KLHDC1: variants seen among roughly 807,000 people sequenced by gnomAD.
KLHDC1 encodes the protein kelch domain containing 1, also known as kelch domain-containing protein 1.
KLHDC1 carries 53 observed loss-of-function variants against 68.3 expected under a neutral mutation model. That is an observed-to-expected ratio of 0.78 (90% CI 0.62 to 0.98). KLHDC1 has a LOEUF of 0.98. Among genes scored for constraint, KLHDC1 ranks in the 50% least tolerant of loss-of-function variants. KLHDC1 has a pLI of 0.00. For synonymous variants in KLHDC1, 148 were observed against 159.0 expected, an observed-to-expected ratio of 0.93 and a Z score of 0.52; for missense variants, 470 against 492.3, an observed-to-expected ratio of 0.95 and a Z score of 0.43.
intron 4 of KLHDC1, among the ~76,000 whole-genome samples, chr14:49,711,095 C>T (rs547229304): frequency 8.5e-5 from 13 of 152,278 alleles, no homozygotes; most frequent in Non-Finnish European, 1.2e-4. Context: ...CGGGTTCAAG[C>T]GATTCTCTGG....
chr14:49,694,278 A>AC (rs1219383191), intron 1 of KLHDC1, among the ~76,000 whole-genome samples: 1 of 152,110 alleles, frequency 6.6e-6, no homozygotes, highest in East Asian at 1.9e-4. Context: ...CTATATGCCA[A>AC]CCCTCTTAGT....
chr14:49,697,661 A>G (rs1887782656), intron 1 of KLHDC1, among the ~76,000 whole-genome samples: 1 of 152,210 alleles, frequency 6.6e-6, no homozygotes, highest in African/African-American at 2.4e-5. Flanking sequence ...TGTGTGTTAA[A>G]TAATTCTCAG....
Position 49,734,630 on chromosome 14 carries a change from C to A in KLHDC1, c.865C>A (p.Gln289Lys). 1 of 1,594,310 alleles carries A rather than the reference C, an allele frequency of 6.3e-7. No homozygotes were observed. Residue 289 changes from glutamine (Q) to lysine (K), a missense_variant, in exon 10 of 13, where the codon CAA becomes AAA. Gln to Lys is a moderately conservative substitution (Grantham distance 53). Transcript: ENST00000359332. ...IHNVTTNCWK[Q>K]LTHLPKTRPR... The stretch of plus-strand genomic sequence containing the variant: ...TAATGTCACAACAAATTGTTGGAAA[C>A]AACTTACACATTTACCTAAAACAAG...
chr14:49,711,910 CTTTTTTTTTTTTT>C (rs992092493), intron 4 of KLHDC1, among the ~76,000 whole-genome samples: 46 of 76,614 alleles, frequency 6.0e-4, no homozygotes, highest in African/African-American at 2.3e-3. Context: ...TTTTCTTTTT[CTTTTTTTTTTTTT>C]TTTTTTTTTT....
intron 4 of KLHDC1, among the ~76,000 whole-genome samples, chr14:49,714,239 C>T (rs1888308793): frequency 1.3e-5 from 2 of 150,998 alleles, no homozygotes; most frequent in South Asian, 4.2e-4. Context: ...TTTGGGAGGC[C>T]GAGGCGCGCA....
At chr14:49,738,214 A>C (rs1888977468) in intron 10 of KLHDC1, among the ~76,000 whole-genome samples, 1 of 152,130 alleles carries the variant, frequency 6.6e-6, no homozygotes. Flanking sequence ...GGAAATAGAC[A>C]TGAACTATCA....
At chr14:49,743,399 C>CAA (rs956715386) in intron 11 of KLHDC1, among the ~76,000 whole-genome samples, 62 of 68,744 alleles carry the variant, frequency 9.0e-4, no homozygotes, top group African/African-American at 2.7e-3. Flanking sequence ...GACTCCATCT[C>CAA]AAAAAAAAAA....
intron 10 of KLHDC1, among the ~76,000 whole-genome samples, chr14:49,736,866 G>A (rs572212814): frequency 1.1e-4 from 16 of 152,294 alleles, no homozygotes; most frequent in Non-Finnish European, 1.8e-4. Flanking sequence ...CTCTTTAGGG[G>A]ACAAATTGCC....
intron 4 of KLHDC1, among the ~76,000 whole-genome samples, chr14:49,717,186 C>G (rs991287776): frequency 6.6e-6 from 1 of 152,112 alleles, no homozygotes; most frequent in African/African-American, 2.4e-5. Context: ...TGGCATATAA[C>G]TTTGTGTGAT....
At chr14:49,727,727 G>C (rs1888706926) in intron 6 of KLHDC1, among the ~76,000 whole-genome samples, 1 of 152,266 alleles carries the variant, frequency 6.6e-6, no homozygotes, top group Non-Finnish European at 1.5e-5. Context: ...AAATTCTTAA[G>C]TGGTTCTCAT....
In KLHDC1 at chr14:49,725,685, G is replaced by T; in HGVS notation, c.484-1G>T. 1 of 1,470,222 alleles carries T rather than the reference G, an allele frequency of 6.8e-7. No homozygotes were observed. The highest frequency in any genetic ancestry group is 9.4e-7 in the Non-Finnish European group (1 of 1,067,566). The allele number at this position is 1,470,222 out of a possible 1,614,324, so 91.1% of individuals were successfully genotyped here. Reference sequence around the variant, plus strand: ...AGATATTTAAAACATTTCTCTTTTAGGAAGAGCAGATATTCTGGGGATGGC... The same window carrying T: ...AGATATTTAAAACATTTCTCTTTTATGAAGAGCAGATATTCTGGGGATGGC... On this transcript the variant is annotated splice_acceptor_variant, in intron 5 of 12. Transcript: ENST00000359332. LOFTEE classifies it high-confidence loss of function.
At chr14:49,743,393 C>G (rs1216861806) in intron 11 of KLHDC1, among the ~76,000 whole-genome samples, 1 of 144,706 alleles carries the variant, frequency 6.9e-6, no homozygotes, top group African/African-American at 2.6e-5. Context: ...GAGCAGGACT[C>G]CATCTCAAAA....
intron 4 of KLHDC1, among the ~76,000 whole-genome samples, chr14:49,716,444 C>T (rs977112035): frequency 7.9e-5 from 12 of 151,388 alleles, no homozygotes; most frequent in Admixed American, 4.6e-4. Flanking sequence ...AGTGCAATGG[C>T]GTGGTCTCCA....
At chr14:49,694,892 A>G (rs998688052) in intron 1 of KLHDC1, among the ~76,000 whole-genome samples, 5 of 152,146 alleles carry the variant, frequency 3.3e-5, no homozygotes, top group African/African-American at 1.2e-4. Context: ...CCTAATTTCA[A>G]AATTATTGCT....
intron 4 of KLHDC1, among the ~76,000 whole-genome samples, chr14:49,717,540 T>TA (rs1375104498): frequency 3.9e-5 from 6 of 152,162 alleles, no homozygotes; most frequent in South Asian, 4.1e-4. Flanking sequence ...TTTACCCATT[T>TA]AAAAAAAATG....
chr14:49,705,270 CAT>C (rs1386951462), intron 1 of KLHDC1, among the ~76,000 whole-genome samples: 2 of 150,616 alleles, frequency 1.3e-5, no homozygotes, highest in Non-Finnish European at 3.0e-5. Flanking sequence ...AATACAGAAT[CAT>C]AAACATTTTA....
chr14:49,709,687 T>C (rs1264480835), intron 2 of KLHDC1, 22 bp from the exon 3 acceptor site: 2 of 1,373,780 alleles, frequency 1.5e-6, no homozygotes, highest in Non-Finnish European at 2.0e-6. Flanking sequence ...AGTTATGGGA[T>C]TCCATGTTAT....
At chr14:49,732,665 T>G (rs1206305595) in intron 8 of KLHDC1, 39 bp from the exon 9 acceptor site, 15 of 1,034,514 alleles carry the variant, frequency 1.4e-5, no homozygotes, top group Non-Finnish European at 2.1e-5. Context: ...TTATTTTGAT[T>G]AATATAGTAC....
rs145773216 is a variant in KLHDC1 at position 49,704,108 on chromosome 14, G to A, written c.97-5051G>A. Reference sequence around the variant, plus strand: ...CCCCATATCCTTGGCAACACATTTGGTACCATCTGGCCTTACGTTTTTGCC... The same window carrying A: ...CCCCATATCCTTGGCAACACATTTGATACCATCTGGCCTTACGTTTTTGCC... On this transcript the variant is annotated intron_variant, in intron 1 of 12. Transcript: ENST00000359332. Among the ~76,000 whole-genome samples the A allele has an allele frequency of 5.5e-3, 836 of 152,214 alleles. 3 individuals carry two copies. The highest frequency in any genetic ancestry group is 0.01 in the Non-Finnish European group (695 of 68,012).
Sources: allele counts gnomAD v4.1 joint callset (sites outside exome capture counted in the v4.1 genomes callset), GRCh38; gene constraint gnomAD v4.1.1; transcripts MANE v1.5; gene names NCBI Gene and HGNC (gene_info 2026-07-23, HGNC 2026-07-21).